Variants in CYP2U1 observed in about 807,000 individuals in gnomAD.
CYP2U1 encodes cytochrome P450 family 2 subfamily U member 1.
A neutral mutation model predicts 42.8 loss-of-function variants in CYP2U1; 28 were observed. That is an observed-to-expected ratio of 0.65 (90% CI 0.48 to 0.90). The LOEUF (loss-of-function observed/expected upper bound fraction) is 0.90. CYP2U1 is among the 40% of genes least tolerant of loss of function. CYP2U1 has a pLI of 0.00. For synonymous variants in CYP2U1, 296 were observed against 278.9 expected (o/e 1.06, Z -0.61); for missense variants, 642 against 693.8 (o/e 0.93, Z 0.84).
chr4:107,946,967 A>G (rs557977933), intron 2 of CYP2U1, among the ~76,000 whole-genome samples: 44 of 152,270 alleles, frequency 2.9e-4, no homozygotes, highest in Non-Finnish European at 4.7e-4. Context: ...ACACAGACCA[A>G]CTTGGTACAG....
Position 107,950,263 on chromosome 4 carries a change from G to C in CYP2U1, c.1475G>C (p.Gly492Ala). 6.2e-7 allele frequency: 1 copy of C among 1,612,516 alleles called. No individual in the cohort carries two copies. The highest frequency in any genetic ancestry group is 8.5e-7 in the Non-Finnish European group (1 of 1,179,372). ...TTTTTAGGGAAGCGGGTGTGTATGG[G>C]AGAACAACTGGCAAAGATGGAATTA... is the stretch of plus-strand genomic sequence containing the variant. The part of the protein sequence containing the change: ...PFGIGKRVCM[G>A]EQLAKMELFL... The change falls in exon 5 of 5, where the codon GGA (glycine) becomes GCA (alanine). Residue 492 changes from glycine (G) to alanine (A), a missense_variant. Transcript: ENST00000332884.
chr4:107,931,654 CG>C lies in CYP2U1; in HGVS notation c.15del (p.Pro6ArgfsTer38), dbSNP rs1732977846. MSS[P>X]GPSQPPAEDP... Reference sequence around the variant, plus strand: ...GCCGGCGCCCGGACCATGTCGTCTCCGGGGCCGTCGCAGCCGCCGGCCGAGG... The same window carrying C: ...GCCGGCGCCCGGACCATGTCGTCTCCGGGCCGTCGCAGCCGCCGGCCGAGG... On this transcript the variant is annotated frameshift_variant, in exon 1 of 5. Transcript: ENST00000332884. LOFTEE classifies it high-confidence loss of function. The C allele has an allele frequency of 7.9e-7, 1 of 1,261,308 alleles. No homozygotes were observed. The highest frequency in any genetic ancestry group is 9.9e-7 in the Non-Finnish European group (1 of 1,007,708). 78.1% of individuals were successfully genotyped at this position (1,261,308 alleles called of 1,614,324 possible).
At position 107,945,032 on chromosome 4, in the gene CYP2U1, C is replaced by G; in HGVS notation, c.553C>G (p.Leu185Val). ...RQQRKFSHST[L>V]RHFGLGKLSL... ...ACAAAGGAAGTTCTCTCATTCAACT[C>G]TTCGTCATTTTGGGTTGGGAAAACT... The change falls in exon 2 of 5, where the codon CTT becomes GTT. Residue 185 changes from leucine to valine, a missense_variant. By Grantham distance (32) the Leu-to-Val change is conservative (BLOSUM62 1). Transcript: ENST00000332884. The G allele has an allele frequency of 6.2e-7, 1 of 1,613,434 alleles. No homozygotes were observed. Among genetic ancestry groups the G allele is most frequent in the Non-Finnish European group, 8.5e-7 (1 of 1,179,878 alleles).
Position 107,951,898 on chromosome 4 carries a change from CA to C in CYP2U1, c.*1478del, listed in dbSNP as rs778490219. Reference sequence around the variant, plus strand: ...GCTGAGGCTTATAGTAGGTAAGGCACAAAGTTAAAAAGTAACATCACTGGGT... The same window carrying C: ...GCTGAGGCTTATAGTAGGTAAGGCACAAGTTAAAAAGTAACATCACTGGGT... On this transcript the variant is annotated 3_prime_UTR_variant, in exon 5 of 5. Transcript: ENST00000332884. 5 of 152,168 alleles carry C rather than the reference CA, an allele frequency of 3.3e-5. No individual in the cohort carries two copies. The highest frequency in any genetic ancestry group is 7.3e-5 in the Non-Finnish European group (5 of 68,046). 9.4% of individuals were successfully genotyped at this position (152,168 alleles called of 1,614,324 possible).
intron 1 of CYP2U1, chr4:107,937,925 C>A (rs1473702558): frequency 6.6e-6 from 1 of 152,110 alleles, no homozygotes; most frequent in African/African-American, 2.4e-5. Context: ...ATTAAATATT[C>A]TCCTGTAAAG....
In CYP2U1 at chr4:107,950,434, C is replaced by T. The variant is rs201919750; in HGVS notation, c.*11C>T. 1.9e-6 allele frequency: 3 copies of T among 1,595,356 alleles called. No individual in the cohort carries two copies. Among genetic ancestry groups the T allele is most frequent in the Admixed American group, 3.7e-5 (2 of 54,662 alleles). ...ATTTCAAGGAGATGAAGAGCATCTC[C>T]AAGAAGAGATGGTAAAAAGATATAT... On this transcript the variant is annotated 3_prime_UTR_variant, in exon 5 of 5. Coordinates refer to ENST00000332884, the MANE Select transcript of CYP2U1 (RefSeq NM_183075.3).
At position 107,931,551 on chromosome 4, in the gene CYP2U1, A is replaced by G. The variant is rs1376584827; in HGVS notation, c.-93A>G. ...CCCCTGCCCGCCCCCGACCTTCCAG[A>G]GCAGAGCAGGACACTGGCGCCGCGG... On this transcript the variant is annotated 5_prime_UTR_variant, in exon 1 of 5. Transcript: ENST00000332884. 4 of 1,173,134 alleles carry G rather than the reference A, an allele frequency of 3.4e-6. No homozygotes were observed. Among genetic ancestry groups the G allele is most frequent in the Non-Finnish European group, 4.2e-6 (4 of 942,346 alleles). The allele number at this position is 1,173,134 out of a possible 1,614,324, so 72.7% of individuals were successfully genotyped here. A position where few individuals can be genotyped will look rare whatever the true frequency, so the allele number is the denominator to read the frequency against.
chr4:107,950,627 G>A lies in CYP2U1; in HGVS notation c.*204G>A, dbSNP rs1307468090. 3 of 447,642 alleles carry A rather than the reference G, an allele frequency of 6.7e-6. No homozygotes were observed. Among genetic ancestry groups the A allele is most frequent in the Non-Finnish European group, 1.2e-5 (3 of 260,626 alleles). 27.7% of individuals were successfully genotyped at this position (447,642 alleles called of 1,614,324 possible). ...TACTTCAGCCATTTTAGTAATGCAG[G>A]TCTGTGATTTGGGGGATAGAAAACA... is the stretch of plus-strand genomic sequence containing the variant. On this transcript the variant is annotated 3_prime_UTR_variant, in exon 5 of 5. Transcript: ENST00000332884.
intron 3 of CYP2U1, among the ~76,000 whole-genome samples, chr4:107,948,749 A>G (rs1733803423): frequency 1.3e-5 from 2 of 152,200 alleles, no homozygotes; most frequent in East Asian, 3.8e-4. Flanking sequence ...GTCAGCCCAT[A>G]GTATAATGGG....
chr4:107,949,230 G>T (rs542236696), intron 3 of CYP2U1, 120 bp from the exon 4 acceptor site: 4 of 940,464 alleles, frequency 4.3e-6, no homozygotes, highest in African/African-American at 3.4e-5. Flanking sequence ...CTCACAGTTT[G>T]GTCTCAGCCA....
At chr4:107,940,636 G>A (rs904107140) in intron 1 of CYP2U1, 1 of 151,696 alleles carries the variant, frequency 6.6e-6, no homozygotes. Context: ...ATTTATAAAT[G>A]TAAAAGCTAG....
chr4:107,943,411 A>T (rs1733568484), intron 1 of CYP2U1, among the ~76,000 whole-genome samples: 1 of 152,220 alleles, frequency 6.6e-6, no homozygotes, highest in Admixed American at 6.5e-5. Context: ...AATCTTTAGA[A>T]ATTCGCCTCC....
intron 1 of CYP2U1, 178 bp downstream of exon 1, chr4:107,932,311 G>A: frequency 1.4e-6 from 1 of 702,006 alleles, no homozygotes; most frequent in Non-Finnish European, 1.8e-6. Context: ...ATGCCTTTAA[G>A]ATCCCATCAA....
intron 1 of CYP2U1, among the ~76,000 whole-genome samples, chr4:107,942,912 T>C (rs1451961720): frequency 6.6e-6 from 1 of 152,072 alleles, no homozygotes; most frequent in East Asian, 1.9e-4. Context: ...GCAGCACAAA[T>C]CAAAGGATTG....
At position 107,931,595 on chromosome 4, in the gene CYP2U1, C is replaced by T. The variant is rs771007219; in HGVS notation, c.-49C>T. 6.7e-5 allele frequency: 83 copies of T among 1,236,308 alleles called. No individual in the cohort carries two copies. Among genetic ancestry groups the T allele is most frequent in the Non-Finnish European group, 8.2e-5 (81 of 991,266 alleles). 76.6% of individuals were successfully genotyped at this position (1,236,308 alleles called of 1,614,324 possible). A position where few individuals can be genotyped will look rare whatever the true frequency, so the allele number is the denominator to read the frequency against. ...GCCGCGGGTCAGGCAGCTGCGTGCG[C>T]GTCTCCTCCAGGCAGCAAGGGGAAC... On this transcript the variant is annotated 5_prime_UTR_variant, in exon 1 of 5. Transcript: ENST00000332884.
intron 1 of CYP2U1, among the ~76,000 whole-genome samples, chr4:107,932,499 T>C (rs1430003706): frequency 1.3e-5 from 2 of 152,174 alleles, no homozygotes; most frequent in Non-Finnish European, 2.9e-5. Flanking sequence ...TTGGCCCCCA[T>C]GTTAGAAAGA....
In CYP2U1 at chr4:107,951,434, T is replaced by C. The variant is rs545659584; in HGVS notation, c.*1011T>C. 6.6e-6 allele frequency: 1 copy of C among 152,352 alleles called. No individual in the cohort carries two copies. Among genetic ancestry groups the C allele is most frequent in the African/African-American group, 2.4e-5 (1 of 41,580 alleles). 9.4% of individuals were successfully genotyped at this position (152,352 alleles called of 1,614,324 possible). A position where few individuals can be genotyped will look rare whatever the true frequency, so the allele number is the denominator to read the frequency against. ...ATACTCTCAAAGAATTCACTCTCTT[T>C]TTATTAAGAGAACTAAATTGTTTCT... On this transcript the variant is annotated 3_prime_UTR_variant, in exon 5 of 5. Coordinates refer to ENST00000332884, the MANE Select transcript of CYP2U1 (RefSeq NM_183075.3).
intron 3 of CYP2U1, among the ~76,000 whole-genome samples, chr4:107,948,261 CAAAAAA>C (rs35791632): frequency 1.0e-5 from 1 of 95,404 alleles, no homozygotes; most frequent in African/African-American, 4.2e-5. Flanking sequence ...GCCTCTGTCT[CAAAAAA>C]AAAAAAAAAA....
intron 3 of CYP2U1, among the ~76,000 whole-genome samples, chr4:107,948,591 T>TC (rs199553321): frequency 0.017 from 2,634 of 151,670 alleles, 50 homozygotes; most frequent in African/African-American, 0.049. Flanking sequence ...ATAATAATAA[T>TC]AATCATCATC....
Sources: gnomAD v4.1 joint callset for allele counts (sites outside exome capture counted in the v4.1 genomes callset) on GRCh38, gnomAD v4.1.1 for gene constraint, MANE v1.5 for transcripts, NCBI Gene and HGNC (gene_info 2026-07-23, HGNC 2026-07-21) for gene names.